GALNT10: variants seen among roughly 807,000 people sequenced by gnomAD.
GALNT10 encodes the protein polypeptide N-acetylgalactosaminyltransferase 10, also known as GalNAc transferase 10.
A neutral mutation model predicts 75.0 loss-of-function variants in GALNT10; 41 were observed. That is an observed-to-expected ratio of 0.55 (90% CI 0.43 to 0.71). The LOEUF (loss-of-function observed/expected upper bound fraction) is 0.71. Ranked by LOEUF, GALNT10 falls within the 30% of genes least tolerant of loss-of-function variation. The probability of loss-of-function intolerance (pLI) is 0.00; values close to 1 mark genes in which losing one functional copy is unlikely to be tolerated. For missense variants in GALNT10, 727 were observed against 818.5 expected (o/e 0.89, Z 1.36); for synonymous variants, 302 against 313.0 (o/e 0.96, Z 0.37).
rs181730030 is a variant in GALNT10 at position 154,203,806 on chromosome 5, T to G, written c.159+12781T>G. ...AGAGCTCTCTCTTGTGAGCCTGGGC[T>G]TCCTCCTCTTTCGAAAAGTTCCATT... On this transcript the variant is annotated intron_variant, in intron 1 of 11. Coordinates refer to ENST00000297107, the MANE Select transcript of GALNT10 (RefSeq NM_198321.4). 4.8e-4 allele frequency among the ~76,000 whole-genome samples: 73 copies of G among 152,348 alleles called. 1 individual carries two copies. Among genetic ancestry groups the G allele is most frequent in the African/African-American group, 1.3e-3 (52 of 41,588 alleles).
At chr5:154,344,698 T>C (rs1230787897) in intron 4 of GALNT10, among the ~76,000 whole-genome samples, 1 of 152,224 alleles carries the variant, frequency 6.6e-6, no homozygotes, top group Non-Finnish European at 1.5e-5. Context: ...AGTCTATTTT[T>C]AAATCTAGAA....
chr5:154,271,479 CATAAA>C (rs1467323134), intron 1 of GALNT10, among the ~76,000 whole-genome samples: 1 of 152,032 alleles, frequency 6.6e-6, no homozygotes, highest in Non-Finnish European at 1.5e-5. Context: ...AAAATAAATA[CATAAA>C]ATAAAAATAA....
Position 154,404,099 on chromosome 5 carries a change from T to A in GALNT10, c.1057-5T>A, listed in dbSNP as rs376051776. On this transcript the variant is annotated splice_region_variant and splice_polypyrimidine_tract_variant and intron_variant, in intron 7 of 11. Transcript: ENST00000297107. ...TCATCCTCTCTCTTCCTTCTTGCCA[T>A]GCAGGTGTGGATGTGTGGGGGCCGC... is the stretch of plus-strand genomic sequence containing the variant. 7.5e-6 allele frequency: 12 copies of A among 1,608,028 alleles called. No individual in the cohort carries two copies. Among genetic ancestry groups the A allele is most frequent in the African/African-American group, 1.3e-5 (1 of 74,822 alleles).
intron 1 of GALNT10, chr5:154,218,139 G>T: frequency 1.0e-6 from 1 of 985,190 alleles, no homozygotes; most frequent in Non-Finnish European, 1.2e-6. Flanking sequence ...TCGTGGAGTG[G>T]GCATTTTCAG....
chr5:154,292,072 C>A (rs1411197627), intron 1 of GALNT10, among the ~76,000 whole-genome samples: 1 of 152,202 alleles, frequency 6.6e-6, no homozygotes, highest in Non-Finnish European at 1.5e-5. Context: ...ACCTTGAAAG[C>A]CACCAGGTTG....
intron 8 of GALNT10, among the ~76,000 whole-genome samples, chr5:154,408,779 G>A (rs12658875): frequency 0.32 from 49,217 of 151,846 alleles, 8,572 homozygotes; most frequent in Non-Finnish European, 0.4. Flanking sequence ...TTATCACATA[G>A]CTTGGTCAAA....
rs533571674 is a variant in GALNT10, at chr5:154,399,976, T to C, written c.1057-4128T>C. Among the ~76,000 whole-genome samples, 4 of 151,806 alleles carry C rather than the reference T, an allele frequency of 2.6e-5. No individual in the cohort carries two copies. The South Asian group carries it at 8.3e-4, about 32-fold the overall frequency. On this transcript the variant is annotated intron_variant, in intron 7 of 11. Coordinates refer to ENST00000297107, the MANE Select transcript of GALNT10 (RefSeq NM_198321.4). Reference sequence around the variant, plus strand: ...TGGGCAACACAGGGAGACCCCCATGTCTACAAAAAAAAATAGCCAGGTATG... The same window carrying C: ...TGGGCAACACAGGGAGACCCCCATGCCTACAAAAAAAAATAGCCAGGTATG...
At chr5:154,222,058 A>C (rs1157020060) in intron 1 of GALNT10, among the ~76,000 whole-genome samples, 2 of 152,108 alleles carry the variant, frequency 1.3e-5, no homozygotes, top group African/African-American at 4.8e-5. Context: ...AGCCATCATC[A>C]CAGTCAAGAG....
At chr5:154,390,124 C>T (rs1212802710) in intron 7 of GALNT10, among the ~76,000 whole-genome samples, 1 of 152,168 alleles carries the variant, frequency 6.6e-6, no homozygotes, top group African/African-American at 2.4e-5. Flanking sequence ...CCAAAAACTT[C>T]GTGAAACAAA....
At chr5:154,217,653 C>T (rs1456979959) in intron 1 of GALNT10, among the ~76,000 whole-genome samples, 2 of 152,176 alleles carry the variant, frequency 1.3e-5, no homozygotes, top group Non-Finnish European at 2.9e-5. Flanking sequence ...CTCTTCCTGT[C>T]CACACCCCTG....
intron 1 of GALNT10, among the ~76,000 whole-genome samples, chr5:154,224,957 T>A (rs1451510663): frequency 6.6e-6 from 1 of 151,982 alleles, no homozygotes; most frequent in East Asian, 1.9e-4. Flanking sequence ...ATTTTTTGTA[T>A]TTTTAGTAGA....
intron 1 of GALNT10, among the ~76,000 whole-genome samples, chr5:154,261,092 G>A (rs1453788625): frequency 6.6e-6 from 1 of 152,174 alleles, no homozygotes; most frequent in Admixed American, 6.5e-5. Flanking sequence ...AAACAGCTGT[G>A]TCCAGCCAAT....
intron 1 of GALNT10, among the ~76,000 whole-genome samples, chr5:154,207,320 G>A (rs145320879): frequency 4.6e-5 from 7 of 152,266 alleles, no homozygotes; most frequent in African/African-American, 7.2e-5. Flanking sequence ...CTGGCCCCTC[G>A]AGAGCTGTCC....
intron 1 of GALNT10, among the ~76,000 whole-genome samples, chr5:154,217,654 C>A (rs1004471137): frequency 2.0e-5 from 3 of 152,154 alleles, no homozygotes; most frequent in Admixed American, 6.5e-5. Context: ...TCTTCCTGTC[C>A]ACACCCCTGT....
rs541929073 is a variant in GALNT10, at chr5:154,387,815, A to G, written c.1056+1385A>G. On this transcript the variant is annotated intron_variant, in intron 7 of 11. Transcript: ENST00000297107. ...CAGAACTGGAGAACATAAATTCTTG[A>G]TTAGCCCAAAAAAAAAAAAAACCTA... 8.1e-5 allele frequency: 12 copies of G among 147,484 alleles called. No individual in the cohort carries two copies. The East Asian group carries it at 2.2e-3, about 27-fold the overall frequency. The allele number at this position is 147,484 out of a possible 1,614,324, so 9.1% of individuals were successfully genotyped here.
At chr5:154,209,395 G>A (rs547767495) in intron 1 of GALNT10, among the ~76,000 whole-genome samples, 1 of 152,352 alleles carries the variant, frequency 6.6e-6, no homozygotes, top group African/African-American at 2.4e-5. Context: ...CAGTGAAGGT[G>A]GGTTTGGGGC....
chr5:154,337,854 C>A, intron 4 of GALNT10: 1 of 1,074,746 alleles, frequency 9.3e-7, no homozygotes, highest in East Asian at 2.4e-5. Context: ...GCCTCTTGGG[C>A]TGGATGAAAC....
chr5:154,397,424 T>C (rs1183776470), intron 7 of GALNT10, among the ~76,000 whole-genome samples: 1 of 152,182 alleles, frequency 6.6e-6, no homozygotes, highest in Non-Finnish European at 1.5e-5. Context: ...TAGCTCACGG[T>C]GTCCTCTGAG....
intron 4 of GALNT10, among the ~76,000 whole-genome samples, chr5:154,357,845 T>G (rs189027073): frequency 1.3e-5 from 2 of 152,306 alleles, no homozygotes; most frequent in East Asian, 3.9e-4. Context: ...CCGCTCCCTG[T>G]GTGAGCTGAG....
Sources: gnomAD v4.1 joint callset for allele counts (sites outside exome capture counted in the v4.1 genomes callset) on GRCh38, gnomAD v4.1.1 for gene constraint, MANE v1.5 for transcripts, NCBI Gene and HGNC (gene_info 2026-07-23, HGNC 2026-07-21) for gene names.